The following CCDC42 variants were observed in gnomAD, a reference collection of about 807,000 sequenced individuals.
The protein encoded by CCDC42 is coiled-coil domain containing 42.
A neutral mutation model predicts 40.8 loss-of-function variants in CCDC42; 38 were observed. That is an observed-to-expected ratio of 0.93 (90% CI 0.72 to 1.22). The LOEUF (loss-of-function observed/expected upper bound fraction) is 1.22, where lower values mean the gene tolerates loss of function less well. Ranked by LOEUF, CCDC42 falls within the 50% of genes most tolerant of loss-of-function variation. CCDC42 has a pLI of 0.00. For missense variants in CCDC42, 379 were observed against 416.5 expected (o/e 0.91, Z 0.78); for synonymous variants, 135 against 157.5 (o/e 0.86, Z 1.07).
In CCDC42 at chr17:8,729,946, A is replaced by G. The variant is rs2086569124; in HGVS notation, c.*184T>C. 2 of 588,092 alleles carry G rather than the reference A, an allele frequency of 3.4e-6. No individual in the cohort carries two copies. The highest frequency in any genetic ancestry group is 3.1e-5 in the East Asian group (1 of 32,496). 36.4% of individuals were successfully genotyped at this position (588,092 alleles called of 1,614,324 possible). A position where few individuals can be genotyped will look rare whatever the true frequency, so the allele number is the denominator to read the frequency against. On this transcript the variant is annotated 3_prime_UTR_variant, in exon 7 of 7. Coordinates refer to ENST00000293845, the MANE Select transcript of CCDC42 (RefSeq NM_144681.3). Reference sequence around the variant, plus strand: ...AAAGGGCTAGAGAGAACTTGAGAACAAACTTCATATAACATTCACTGTTTT... The same window carrying G: ...AAAGGGCTAGAGAGAACTTGAGAACGAACTTCATATAACATTCACTGTTTT...
intron 4 of CCDC42, among the ~76,000 whole-genome samples, chr17:8,741,157 C>T (rs1284416001): frequency 1.3e-5 from 2 of 152,212 alleles, no homozygotes; most frequent in Non-Finnish European, 2.9e-5. Context: ...CACATGCAGA[C>T]ATAGACACGC....
At position 8,730,130 on chromosome 17, in the gene CCDC42, T is replaced by C; in HGVS notation, c.951A>G (p.Ter317=). The change falls in exon 7 of 7, where the codon TAA becomes TAG. Residue 317 remains the stop codon, a stop_retained_variant. Coordinates refer to ENST00000293845, the MANE Select transcript of CCDC42 (RefSeq NM_144681.3). ...GACATTCTGGAACAAGGCTGCCTCC[T>C]TAAATCCGGACTCGCTGTTGTTCCT... The part of the protein sequence containing the change: ...KKKEQQRVRI[*] 6.2e-7 allele frequency: 1 copy of C among 1,613,752 alleles called. No homozygotes were observed. The highest frequency in any genetic ancestry group is 8.5e-7 in the Non-Finnish European group (1 of 1,179,724).
chr17:8,741,379 TGAGCCTGAATTCCATCCCATGGCCC>T, intron 4 of CCDC42, 70 bp downstream of exon 4: 2 of 1,267,046 alleles, frequency 1.6e-6, no homozygotes, highest in Non-Finnish European at 2.3e-6. Flanking sequence ...CCCAGCCAGC[TGAGCCTGAATTCCATCCCATGGCCC>T]CAGGCCCCGG....
rs965108897 is a variant in CCDC42 at position 8,735,368 on chromosome 17, C to T, written c.714+22G>A. 1.3e-5 allele frequency: 21 copies of T among 1,611,994 alleles called. No individual in the cohort carries two copies. In the African/African-American group the frequency reaches 1.7e-4, roughly 13 times the overall value. ...CACTCACCCAGTGCCTGGGAGCCCC[C>T]GGCCCGCCCCGGGCCCCTCACCCAG... On this transcript the variant is annotated intron_variant, in intron 5 of 6. Coordinates refer to ENST00000293845, the MANE Select transcript of CCDC42 (RefSeq NM_144681.3). This position sits in a 1 kb window ranked among gnomAD's most constrained non-coding sequence, Gnocchi z 4.7.
At position 8,735,697 on chromosome 17, in the gene CCDC42, C is replaced by A; in HGVS notation, c.493-86G>T. 3.0e-6 allele frequency: 3 copies of A among 1,012,652 alleles called. No homozygotes were observed. Among genetic ancestry groups the A allele is most frequent in the Non-Finnish European group, 4.3e-6 (3 of 696,042 alleles). 62.7% of individuals were successfully genotyped at this position (1,012,652 alleles called of 1,614,324 possible). ...GTCCTGCCAACCTCCAGCCTGGATG[C>A]CTGGACACCTGGACACCTGGGCAGG... is the stretch of plus-strand genomic sequence containing the variant. On this transcript the variant is annotated intron_variant, in intron 4 of 6. Transcript: ENST00000293845. This position sits in a 1 kb window ranked among gnomAD's most constrained non-coding sequence, Gnocchi z 4.7.
At position 8,735,144 on chromosome 17, in the gene CCDC42, C is replaced by T; in HGVS notation, c.825G>A (p.Lys275=). ...NLFQIVSKHL[K]EVTEVALEDT... Reference sequence around the variant, plus strand: ...CCTCCAGTGCCACCTCAGTCACCTCCTTCAGGTGCTTGCTCACGATCTGGA... The same window carrying T: ...CCTCCAGTGCCACCTCAGTCACCTCTTTCAGGTGCTTGCTCACGATCTGGA... The change falls in exon 6 of 7, where the codon AAG becomes AAA. Residue 275 remains lysine, a synonymous_variant. Coordinates refer to ENST00000293845, the MANE Select transcript of CCDC42 (RefSeq NM_144681.3). The surrounding 1 kb of genome is among the most constrained non-coding windows in gnomAD (Gnocchi z 4.7). 1 of 1,614,212 alleles carries T rather than the reference C, an allele frequency of 6.2e-7. No individual in the cohort carries two copies. Among genetic ancestry groups the T allele is most frequent in the Non-Finnish European group, 8.5e-7 (1 of 1,180,036 alleles).
chr17:8,730,656 G>A (rs554148125), intron 6 of CCDC42, among the ~76,000 whole-genome samples: 1 of 152,292 alleles, frequency 6.6e-6, no homozygotes, highest in African/African-American at 2.4e-5. Flanking sequence ...GACTTCTTGA[G>A]GAGGCCACTT....
At chr17:8,734,810 C>A (rs886815948) in intron 6 of CCDC42, among the ~76,000 whole-genome samples, 1 of 152,096 alleles carries the variant, frequency 6.6e-6, no homozygotes, top group African/African-American at 2.4e-5. Context: ...AAAAGGGTTT[C>A]GGTGCTAATG....
intron 4 of CCDC42, among the ~76,000 whole-genome samples, chr17:8,738,467 T>G (rs1416749463): frequency 1.6e-5 from 1 of 63,128 alleles, no homozygotes; most frequent in African/African-American, 4.4e-5. Context: ...ATTTGAGATT[T>G]TTTTTTTTTT....
chr17:8,740,768 T>C (rs1047641207), intron 4 of CCDC42, among the ~76,000 whole-genome samples: 2 of 152,132 alleles, frequency 1.3e-5, no homozygotes, highest in Non-Finnish European at 2.9e-5. Context: ...TCAATGGCAC[T>C]GTGGGGCCCA....
intron 3 of CCDC42, 92 bp from the exon 4 acceptor site, chr17:8,741,763 CTCTG>C (rs1306419082): frequency 8.0e-7 from 1 of 1,249,674 alleles, no homozygotes; most frequent in Non-Finnish European, 1.1e-6. Flanking sequence ...CCTCAGACCC[CTCTG>C]TCTGCACAAA....
rs749543552 is a variant in CCDC42, at chr17:8,744,201, C to T, written c.84-17G>A. The T allele has an allele frequency of 2.1e-5, 33 of 1,586,330 alleles. No homozygotes were observed. Among genetic ancestry groups the T allele is most frequent in the African/African-American group, 4.0e-5 (3 of 74,296 alleles). ...GGGAGTTTCCTGTCCAAGATGTGAA[C>T]GCGAGAGGGCTGTGTGTTCTGACAT... On this transcript the variant is annotated splice_polypyrimidine_tract_variant and intron_variant, in intron 1 of 6. Transcript: ENST00000293845.
chr17:8,738,202 G>A (rs1191641221), intron 4 of CCDC42, among the ~76,000 whole-genome samples: 8 of 152,166 alleles, frequency 5.3e-5, no homozygotes, highest in Non-Finnish European at 1.2e-4. Context: ...TGACAATGGT[G>A]TAGTTATTTT....
Position 8,744,521 on chromosome 17 carries a change from A to G in CCDC42, c.83+6T>C, listed in dbSNP as rs1040044034. 6.2e-7 allele frequency: 1 copy of G among 1,608,482 alleles called. No individual in the cohort carries two copies. Among genetic ancestry groups the G allele is most frequent in the Middle Eastern group, 1.7e-4 (1 of 6,056 alleles). ...GGGGTGGGCAAGCCAGGCCTCAGAC[A>G]CTCACTGGAGCATCTGCAGCAGCCG... On this transcript the variant is annotated splice_donor_region_variant and intron_variant, in intron 1 of 6. Coordinates refer to ENST00000293845, the MANE Select transcript of CCDC42 (RefSeq NM_144681.3).
At chr17:8,744,459 G>C (rs963130847) in intron 1 of CCDC42, 68 bp downstream of exon 1, 1 of 1,270,580 alleles carries the variant, frequency 7.9e-7, no homozygotes, top group Non-Finnish European at 1.1e-6. Flanking sequence ...GTTGGAAGAT[G>C]AGGTATGGGG....
At chr17:8,732,989 C>T (rs914688212) in intron 6 of CCDC42, among the ~76,000 whole-genome samples, 1 of 152,152 alleles carries the variant, frequency 6.6e-6, no homozygotes, top group African/African-American at 2.4e-5. Flanking sequence ...GCATTGGTTG[C>T]AGGGATGCTG....
chr17:8,744,422 G>A, intron 1 of CCDC42, 105 bp downstream of exon 1: 1 of 970,486 alleles, frequency 1.0e-6, no homozygotes, highest in Non-Finnish European at 1.6e-6. Flanking sequence ...TTGGGGCACT[G>A]GGTTACAGGA....
intron 6 of CCDC42, among the ~76,000 whole-genome samples, chr17:8,732,076 G>A (rs988581733): frequency 1.3e-5 from 2 of 151,818 alleles, no homozygotes; most frequent in Non-Finnish European, 2.9e-5. Context: ...CGAGGCGGGC[G>A]GATCACGAGG....
At chr17:8,741,213 A>G (rs2086641198) in intron 4 of CCDC42, among the ~76,000 whole-genome samples, 1 of 152,196 alleles carries the variant, frequency 6.6e-6, no homozygotes, top group South Asian at 2.1e-4. Flanking sequence ...ACAGACACAC[A>G]AAGACACACC....
Sources: allele counts gnomAD v4.1 joint callset (sites outside exome capture counted in the v4.1 genomes callset), GRCh38; gene constraint gnomAD v4.1.1; non-coding constraint Gnocchi (gnomAD v3.1); transcripts MANE v1.5; gene names NCBI Gene and HGNC (gene_info 2026-07-23, HGNC 2026-07-21).